Variants in ZNF91 observed in about 807,000 individuals in gnomAD.
ZNF91 encodes zinc finger protein 91, also known as zinc finger protein 91 (HPF7, HTF10).
A neutral mutation model predicts 12.6 loss-of-function variants in ZNF91; 7 were observed. The ratio of observed to expected loss-of-function variants is 0.55; its 90% CI spans 0.31 to 1.04. ZNF91 has a LOEUF of 1.04. Among genes scored for constraint, ZNF91 ranks in the 50% least tolerant of loss-of-function variants. ZNF91 has a pLI of 0.05. For missense variants in ZNF91, 1,217 were observed against 1,385.4 expected, an observed-to-expected ratio of 0.88 and a Z score of 1.93; for synonymous variants, 453 against 462.6, an observed-to-expected ratio of 0.98 and a Z score of 0.27.
chr19:23,386,362 A>C (rs113066147), intron 1 of ZNF91, among the ~76,000 whole-genome samples: 115 of 152,322 alleles, frequency 7.5e-4, no homozygotes, highest in African/African-American at 2.6e-3. Flanking sequence ...AAGTAAACAT[A>C]AGCAAAACAA....
At chr19:23,334,500 A>T (rs1187110445), downstream of ZNF91, among the ~76,000 whole-genome samples, 1 of 152,246 alleles carries the variant, frequency 6.6e-6, no homozygotes, top group Non-Finnish European at 1.5e-5. Flanking sequence ...CTTTTTAAAA[A>T]GAGACTTTTC....
chr19:23,314,555 A>G (rs1327762974), upstream of ZNF91, among the ~76,000 whole-genome samples: 1 of 152,166 alleles, frequency 6.6e-6, no homozygotes, highest in Admixed American at 6.5e-5. Context: ...TTGGCACAGC[A>G]TCTGTGTTAT....
intron 3 of ZNF91, among the ~76,000 whole-genome samples, chr19:23,369,431 G>T (rs1454930377): frequency 3.3e-5 from 5 of 151,848 alleles, no homozygotes; most frequent in African/African-American, 1.2e-4. Flanking sequence ...GGGAGGTGGA[G>T]GGCGCCTCTG....
intron 3 of ZNF91, chr19:23,339,615 ACTC>A (rs1968082966): frequency 6.6e-6 from 1 of 152,050 alleles, no homozygotes; most frequent in Non-Finnish European, 1.5e-5. Flanking sequence ...TAAATAACAT[ACTC>A]CTCAACAGTG....
chr19:23,390,118 A>G (rs1036177324), intron 1 of ZNF91, among the ~76,000 whole-genome samples: 3 of 152,148 alleles, frequency 2.0e-5, no homozygotes, highest in African/African-American at 7.2e-5. Flanking sequence ...GGAGTTCAAG[A>G]CCAGCCTGAC....
At chr19:23,364,839 G>A (rs1033837102) in intron 3 of ZNF91, among the ~76,000 whole-genome samples, 21 of 152,016 alleles carry the variant, frequency 1.4e-4, no homozygotes, top group African/African-American at 4.8e-4. Flanking sequence ...CAAACATAGA[G>A]ATAATTCTAT....
downstream of ZNF91, among the ~76,000 whole-genome samples, chr19:23,357,010 C>T (rs751853842): frequency 1.3e-5 from 2 of 152,118 alleles, no homozygotes; most frequent in Non-Finnish European, 2.9e-5. Flanking sequence ...GGGTGGATCA[C>T]GAGGTCAGGA....
chr19:23,328,314 G>C (rs1463753742), intron 1 of ZNF91: 1 of 152,214 alleles, frequency 6.6e-6, no homozygotes, highest in African/African-American at 2.4e-5. Flanking sequence ...AATGGAGGAT[G>C]CCAGGATGCA....
At chr19:23,319,412 G>C (rs1279045320) in intron 1 of ZNF91, among the ~76,000 whole-genome samples, 1 of 152,218 alleles carries the variant, frequency 6.6e-6, no homozygotes. Context: ...CTCTGCTAAA[G>C]AGGGTTATTA....
chr19:23,348,523 C>A (rs1968287183), intron 3 of ZNF91, among the ~76,000 whole-genome samples: 1 of 152,190 alleles, frequency 6.6e-6, no homozygotes, highest in South Asian at 2.1e-4. Flanking sequence ...TTAATCCCAT[C>A]ATCTTTGTAA....
Position 23,360,641 on chromosome 19 carries a change from T to C in ZNF91, c.2338A>G (p.Ile780Val), listed in dbSNP as rs753168887. 8 of 1,613,706 alleles carry C rather than the reference T, an allele frequency of 5.0e-6. No homozygotes were observed. The highest frequency in any genetic ancestry group is 6.8e-6 in the Non-Finnish European group (8 of 1,179,908). Residue 780 changes from isoleucine (I) to valine (V), a missense_variant, in exon 4 of 4, where the codon ATA becomes GTA. By Grantham distance (29) the Ile-to-Val change is conservative (BLOSUM62 3). This residue lies in a region of ZNF91 where 491 missense variants were observed against 489.8 expected (regional missense o/e 1.00). Transcript: ENST00000300619. ...TGTCTAGTTAGGGTTGAAGACCATATAAATGCTTTGCCACATTCTTTACAT... is the reference window on the plus strand; with the variant it reads ...TGTCTAGTTAGGGTTGAAGACCATACAAATGCTTTGCCACATTCTTTACAT... ...FKCKECGKAF[I>V]WSSTLTRHKR...
chr19:23,362,800 C>T, intron 3 of ZNF91, 75 bp from the exon 4 acceptor site: 17 of 1,304,676 alleles, frequency 1.3e-5, no homozygotes, highest in Non-Finnish European at 1.6e-5. Flanking sequence ...AAAAATCTTA[C>T]CTACAAAATT....
rs572734503 is a variant in ZNF91, at chr19:23,323,494, ATCC to A, written n.117-14400_117-14398del. ...TCTTCTCCTCCGTCTTCTTCCTATCATCCTCCTTTTCCTTTCTTCTCCTCTACT... is the reference window on the plus strand; with the variant it reads ...TCTTCTCCTCCGTCTTCTTCCTATCATCCTTTTCCTTTCTTCTCCTCTACT... On this transcript the variant is annotated intron_variant and non_coding_transcript_variant, in intron 1 of 1. Transcript: ENST00000596528. Among the ~76,000 whole-genome samples the A allele has an allele frequency of 6.5e-3, 709 of 109,328 alleles. 10 individuals are homozygous for A. The highest frequency in any genetic ancestry group is 0.025 in the African/African-American group (603 of 24,452). 71.7% of individuals were successfully genotyped at this position (109,328 alleles called of 152,430 possible).
At chr19:23,393,642 C>T (rs981678445) in intron 1 of ZNF91, among the ~76,000 whole-genome samples, 17 of 152,088 alleles carry the variant, frequency 1.1e-4, no homozygotes, top group African/African-American at 3.9e-4. Context: ...GCTTTCTTCT[C>T]ACAGGGAGTA....
chr19:23,325,114 CTTCCACT>C (rs1216174770), intron 1 of ZNF91: 1 of 151,274 alleles, frequency 6.6e-6, no homozygotes, highest in Non-Finnish European at 1.5e-5. Context: ...TTGTTCTGCC[CTTCCACT>C]TTCCACTTTA....
At chr19:23,348,491 T>C (rs1449393679) in intron 3 of ZNF91, among the ~76,000 whole-genome samples, 3 of 152,236 alleles carry the variant, frequency 2.0e-5, no homozygotes, top group East Asian at 3.8e-4. Flanking sequence ...TAATTTCCTA[T>C]GCCTGTCTTT....
chr19:23,395,437 G>T lies in ZNF91; in HGVS notation c.-83C>A, dbSNP rs891158809. ...GGAGCAGAGGACACAGAGCAGTGAA[G>T]TCGAGACCTGGAAACTCCGGCGGCA... On this transcript the variant is annotated 5_prime_UTR_variant, in exon 1 of 4. Transcript: ENST00000300619. 3 of 1,535,018 alleles carry T rather than the reference G, an allele frequency of 2.0e-6. No individual in the cohort carries two copies. Among genetic ancestry groups the T allele is most frequent in the Non-Finnish European group, 2.7e-6 (3 of 1,126,880 alleles).
rs185630172 is a variant in ZNF91 at position 23,320,974 on chromosome 19, A to G, written n.117-11877T>C. ...TAGCACACGTGTCAGGCTGCGACTTATCTAAGGGGACACAATGCCCAGAAA... is the reference window on the plus strand; with the variant it reads ...TAGCACACGTGTCAGGCTGCGACTTGTCTAAGGGGACACAATGCCCAGAAA... On this transcript the variant is annotated intron_variant and non_coding_transcript_variant, in intron 1 of 1. Transcript: ENST00000596528. Among the ~76,000 whole-genome samples the G allele has an allele frequency of 5.6e-4, 85 of 152,310 alleles. 5 individuals carry two copies. Among genetic ancestry groups the G allele is most frequent in the Non-Finnish European group, 1.2e-4 (8 of 68,024 alleles).
chr19:23,342,146 T>C (rs538007391), intron 3 of ZNF91: 3 of 450,112 alleles, frequency 6.7e-6, no homozygotes, highest in South Asian at 4.5e-5. Context: ...GTCTCTGTTA[T>C]CTGCTTCATT....
Sources: allele counts gnomAD v4.1 joint callset (sites outside exome capture counted in the v4.1 genomes callset), GRCh38; gene constraint gnomAD v4.1.1; regional missense constraint gnomAD v4.1.1; transcripts MANE v1.5; gene names NCBI Gene and HGNC (gene_info 2026-07-23, HGNC 2026-07-21).